The following BTBD18 variants were observed in gnomAD, a reference collection of about 807,000 sequenced individuals.
BTBD18 encodes the protein BTB domain containing 18.
For missense variants in BTBD18, 787 were observed against 846.3 expected (o/e 0.93, Z 0.87); for synonymous variants, 311 against 324.4 (o/e 0.96, Z 0.44).
chr11:57,744,096 C>T lies in BTBD18; in HGVS notation c.*38G>A, dbSNP rs1023499606. The T allele has an allele frequency of 1.2e-5, 16 of 1,382,030 alleles. No homozygotes were observed. Among genetic ancestry groups the T allele is most frequent in the South Asian group, 1.4e-5 (1 of 71,952 alleles). The allele number at this position is 1,382,030 out of a possible 1,614,324, so 85.6% of individuals were successfully genotyped here. A position where few individuals can be genotyped will look rare whatever the true frequency, so the allele number is the denominator to read the frequency against. On this transcript the variant is annotated 3_prime_UTR_variant, in exon 3 of 3. Transcript: ENST00000422652. The stretch of plus-strand genomic sequence containing the variant: ...AAGCCTTTTGCTAGCTAACATTTCC[C>T]ACCCTCCCAAGGCCCCTAACCTGCC...
At chr11:57,746,317 C>T (rs1949189420) in intron 2 of BTBD18, among the ~76,000 whole-genome samples, 169 bp from the exon 3 acceptor site, 1 of 144,866 alleles carries the variant, frequency 6.9e-6, no homozygotes, top group Admixed American at 7.4e-5. Flanking sequence ...TCTGCCATTA[C>T]CTTTTGCCTA....
At chr11:57,751,014 TTTATC>T in intron 2 of BTBD18, 46 bp downstream of exon 2, 1 of 1,460,338 alleles carries the variant, frequency 6.8e-7, no homozygotes, top group African/African-American at 1.4e-5. Context: ...CTGAACTCAT[TTTATC>T]TTATTCTATG....
rs1949136428 is a variant in BTBD18 at position 57,743,636 on chromosome 11, C to A, written c.*498G>T. 6.5e-6 allele frequency: 1 copy of A among 153,132 alleles called. No individual in the cohort carries two copies. Among genetic ancestry groups the A allele is most frequent in the Non-Finnish European group, 1.5e-5 (1 of 68,752 alleles). The allele number at this position is 153,132 out of a possible 1,614,324, so 9.5% of individuals were successfully genotyped here. ...CCCTGCAGAGGTTTTAGCTAGACTT[C>A]CTAATACTGGCAGTGAATAAGCCCC... On this transcript the variant is annotated 3_prime_UTR_variant, in exon 3 of 3. Coordinates refer to ENST00000422652, the MANE Select transcript of BTBD18 (RefSeq NM_001145101.3).
At chr11:57,747,976 T>A (rs959790213) in intron 2 of BTBD18, among the ~76,000 whole-genome samples, 3 of 152,206 alleles carry the variant, frequency 2.0e-5, no homozygotes, top group African/African-American at 7.2e-5. Flanking sequence ...ATTGTTTGTA[T>A]TTTTTAATAG....
At chr11:57,749,755 A>G (rs1452147609) in intron 2 of BTBD18, among the ~76,000 whole-genome samples, 5 of 150,504 alleles carry the variant, frequency 3.3e-5, no homozygotes, top group Non-Finnish European at 7.4e-5. Flanking sequence ...CAAAAAAAAA[A>G]AAAAAAAAAA....
At chr11:57,750,270 G>C (rs1273432935) in intron 2 of BTBD18, among the ~76,000 whole-genome samples, 1 of 152,124 alleles carries the variant, frequency 6.6e-6, no homozygotes. Flanking sequence ...CCAGCTACTC[G>C]GGAGGCTGAG....
chr11:57,744,586 C>G lies in BTBD18; in HGVS notation c.1687G>C (p.Gly563Arg), dbSNP rs996565572. The G allele has an allele frequency of 1.2e-5, 18 of 1,551,586 alleles. No individual in the cohort carries two copies. The Admixed American group carries it at 3.1e-4, about 27-fold the overall frequency. The change falls in exon 3 of 3, where the codon GGT becomes CGT. Residue 563 changes from glycine to arginine, a missense_variant. Physicochemically the swap from Gly to Arg is moderately radical, Grantham distance 125. Transcript: ENST00000422652. Reference sequence around the variant, plus strand: ...AGCTCAGTTGGCCCTCTGTTCTCACCAGCAGGTTCCTTTTCCAATTCTGTG... The same window carrying G: ...AGCTCAGTTGGCCCTCTGTTCTCACGAGCAGGTTCCTTTTCCAATTCTGTG... ...ELTELEKEPAGENRGPTELLS... is the reference protein window; with the variant it reads ...ELTELEKEPARENRGPTELLS...
At position 57,745,006 on chromosome 11, in the gene BTBD18, A is replaced by G; in HGVS notation, c.1267T>C (p.Cys423Arg). The G allele has an allele frequency of 6.4e-7, 1 of 1,551,670 alleles. No homozygotes were observed. The highest frequency in any genetic ancestry group is 1.4e-5 in the African/African-American group (1 of 73,184). Residue 423 changes from cysteine (C) to arginine (R), a missense_variant, in exon 3 of 3, where the codon TGC (cysteine) becomes CGC (arginine). By Grantham distance (180) the Cys-to-Arg change is radical (BLOSUM62 -3). Coordinates refer to ENST00000422652, the MANE Select transcript of BTBD18 (RefSeq NM_001145101.3). ...RTELCQDSPM[C>R]TKLQDILVSA... ...ACCAGAATGTCTTGTAGCTTAGTGC[A>G]CATGGGGGAGTCCTGACACAGTTCT...
rs1949151475 is a variant in BTBD18, at chr11:57,744,493, C to T, written c.1780G>A (p.Asp594Asn). The T allele has an allele frequency of 6.4e-7, 1 of 1,551,542 alleles. No individual in the cohort carries two copies. Among genetic ancestry groups the T allele is most frequent in the Non-Finnish European group, 8.7e-7 (1 of 1,146,982 alleles). The change falls in exon 3 of 3, where the codon GAC (aspartate) becomes AAC (asparagine). Residue 594 changes from aspartate (D) to asparagine (N), a missense_variant. Physicochemically the swap from Asp to Asn is conservative, Grantham distance 23. Transcript: ENST00000422652. ...GGCTGGGAGCTGGTAATTTCAAGGTCTGGTGTCCAACGGCCTCCTACTGAA... is the reference window on the plus strand; with the variant it reads ...GGCTGGGAGCTGGTAATTTCAAGGTTTGGTGTCCAACGGCCTCCTACTGAA... ...VLSVGGRWTP[D>N]LEITSSQPLD...
At chr11:57,746,228 G>T in intron 2 of BTBD18, 80 bp from the exon 3 acceptor site, 1 of 1,074,190 alleles carries the variant, frequency 9.3e-7, no homozygotes, top group Non-Finnish European at 1.3e-6. Flanking sequence ...CTACCCAAAT[G>T]TACTGCCCCT....
chr11:57,751,884 T>C (rs1391457931), upstream of BTBD18: 1 of 152,180 alleles, frequency 6.6e-6, no homozygotes, highest in Non-Finnish European at 1.5e-5. Flanking sequence ...GAGAAGCCTC[T>C]GACTCTGCGG....
chr11:57,748,377 A>G (rs1182000369), intron 2 of BTBD18, among the ~76,000 whole-genome samples: 1 of 152,214 alleles, frequency 6.6e-6, no homozygotes, highest in African/African-American at 2.4e-5. Flanking sequence ...AAACTGAGGC[A>G]TAGTTAAGTA....
intron 2 of BTBD18, among the ~76,000 whole-genome samples, chr11:57,746,525 T>A (rs1949196039): frequency 6.6e-6 from 1 of 152,110 alleles, no homozygotes; most frequent in African/African-American, 2.4e-5. Context: ...AGACGGGGTT[T>A]CACCTTGTTG....
At chr11:57,751,308 G>A in intron 1 of BTBD18, 72 bp from the exon 2 acceptor site, 2 of 798,566 alleles carry the variant, frequency 2.5e-6, no homozygotes, top group Non-Finnish European at 3.6e-6. Context: ...AATGGCAGGG[G>A]AATTTTGAAA....
chr11:57,753,097 CGCG>C (rs1333802275), upstream of BTBD18: 1 of 151,964 alleles, frequency 6.6e-6, no homozygotes, highest in East Asian at 2.0e-4. Flanking sequence ...TGTAAGGCCA[CGCG>C]GCCAGCGCCA....
At position 57,744,914 on chromosome 11, in the gene BTBD18, T is replaced by C. The variant is rs1482494449; in HGVS notation, c.1359A>G (p.Val453=). The C allele has an allele frequency of 2.6e-6, 4 of 1,551,562 alleles. No individual in the cohort carries two copies. The East Asian group carries it at 7.3e-5, about 28-fold the overall frequency. The stretch of plus-strand genomic sequence containing the variant: ...CAATAGCCAACATAGGTTCCTTCTC[T>C]ACCAGTTCTGGACTGGACTCAAACT... The part of the protein sequence containing the change: ...KSEFESSPEL[V]EKEPMLAIDC... Residue 453 remains valine (V), a synonymous_variant, in exon 3 of 3, where the codon GTA becomes GTG. Transcript: ENST00000422652.
Position 57,746,845 on chromosome 11 carries a change from A to ATG in BTBD18, c.125-698_125-697insCA, listed in dbSNP as rs1164640008. On this transcript the variant is annotated intron_variant, in intron 2 of 2. Transcript: ENST00000422652. Reference sequence around the variant, plus strand: ...AAAAAGCCTTCCTCCACCCCACCACAAGTCTGAGTTAGGTGTTCCTGGGCA... The same window carrying ATG: ...AAAAAGCCTTCCTCCACCCCACCACATGAGTCTGAGTTAGGTGTTCCTGGGCA... Among the ~76,000 whole-genome samples, 4 of 149,504 alleles carry ATG rather than the reference A, an allele frequency of 2.7e-5. No homozygotes were observed. In the East Asian group the frequency reaches 7.9e-4, roughly 29 times the overall value.
intron 2 of BTBD18, among the ~76,000 whole-genome samples, chr11:57,749,397 C>T (rs1413091246): frequency 3.3e-5 from 5 of 152,150 alleles, no homozygotes; most frequent in Non-Finnish European, 7.3e-5. Context: ...GTCCTCAACT[C>T]ATTCATATGT....
chr11:57,746,054 C>T lies in BTBD18; in HGVS notation c.219G>A (p.Lys73=). The T allele has an allele frequency of 1.3e-6, 2 of 1,551,688 alleles. No homozygotes were observed. The highest frequency in any genetic ancestry group is 1.4e-5 in the African/African-American group (1 of 73,150). Reference sequence around the variant, plus strand: ...TCAGGCCACCCAGCTCTAGCACCACCTTCCCACCCTGAGCTGGCCTCTCCC... The same window carrying T: ...TCAGGCCACCCAGCTCTAGCACCACTTTCCCACCCTGAGCTGGCCTCTCCC... ...LERERPAQGG[K]VVLELGGLKI... Residue 73 remains lysine, a synonymous_variant, in exon 3 of 3, where the codon AAG becomes AAA. Coordinates refer to ENST00000422652, the MANE Select transcript of BTBD18 (RefSeq NM_001145101.3).
Sources: allele counts gnomAD v4.1 joint callset (sites outside exome capture counted in the v4.1 genomes callset), GRCh38; gene constraint gnomAD v4.1.1; transcripts MANE v1.5; gene names NCBI Gene and HGNC (gene_info 2026-07-23, HGNC 2026-07-21).